Variants in SEL1L3 observed in about 807,000 individuals in gnomAD.
SEL1L3 encodes SEL1L family member 3, also known as protein sel-1 homolog 3.
A neutral mutation model predicts 142.8 loss-of-function variants in SEL1L3; 76 were observed. That is an observed-to-expected ratio of 0.53 (90% CI 0.44 to 0.64). SEL1L3 has a LOEUF of 0.64. SEL1L3 is among the 30% of genes least tolerant of loss of function. The pLI is 0.00. For missense variants in SEL1L3, 1,262 were observed against 1,381.7 expected, an observed-to-expected ratio of 0.91 and a Z score of 1.37; for synonymous variants, 504 against 519.6, an observed-to-expected ratio of 0.97 and a Z score of 0.41.
chr4:25,822,949 G>A (rs1020615333), intron 6 of SEL1L3, among the ~76,000 whole-genome samples: 7 of 152,082 alleles, frequency 4.6e-5, no homozygotes, highest in East Asian at 1.9e-4. Flanking sequence ...GAACCTGGAG[G>A]GATCTCCAAA....
Position 25,788,281 on chromosome 4 carries a change from G to A in SEL1L3, c.2160C>T (p.Gly720=), listed in dbSNP as rs61749463. 1.2e-3 allele frequency: 2,003 copies of A among 1,613,844 alleles called. 30 individuals are homozygous for A. The African/African-American group carries it at 0.022, about 18-fold the overall frequency. The change falls in exon 13 of 24, where the codon GGC becomes GGT. Residue 720 remains glycine (G), a synonymous_variant. Coordinates refer to ENST00000399878, the MANE Select transcript of SEL1L3 (RefSeq NM_015187.5). This position sits in a 1 kb window ranked among gnomAD's most constrained non-coding sequence, Gnocchi z 5.3. ...PEAAIEWYAK[G]ALETEDPALI... Reference sequence around the variant, plus strand: ...ACGCAGGATCCTCCGTCTCCAGGGCGCCCTTGGCGTACCACTCAATTGCTG... The same window carrying A: ...ACGCAGGATCCTCCGTCTCCAGGGCACCCTTGGCGTACCACTCAATTGCTG...
chr4:25,831,512 T>TAA (rs1471019751), intron 5 of SEL1L3, among the ~76,000 whole-genome samples: 7,451 of 85,576 alleles, frequency 0.087, 213 homozygotes, highest in Admixed American at 0.12. Context: ...ATAATAATAA[T>TAA]TATTATTATT....
intron 9 of SEL1L3, among the ~76,000 whole-genome samples, chr4:25,815,653 A>T (rs1379819852): frequency 6.6e-6 from 1 of 152,144 alleles, no homozygotes; most frequent in East Asian, 1.9e-4. Flanking sequence ...TAAACTGTCC[A>T]ACATGCGTCT....
chr4:25,761,068 T>C (rs1718341884), intron 20 of SEL1L3, among the ~76,000 whole-genome samples: 1 of 152,150 alleles, frequency 6.6e-6, no homozygotes, highest in Non-Finnish European at 1.5e-5. Flanking sequence ...TTAAGTATCT[T>C]TAAGATGCAC....
chr4:25,723,793 G>A, the SEL1L3 span, among the ~76,000 whole-genome samples: 3 of 152,112 alleles, frequency 2.0e-5, no homozygotes, highest in Admixed American at 6.6e-5. Context: ...CCTATTGATC[G>A]ACTCAGGCTG....
Position 25,747,577 on chromosome 4 carries a change from A to AACACACACACACACAC in SEL1L3, c.*832_*847dup. 6.9e-6 allele frequency: 1 copy of AACACACACACACACAC among 145,702 alleles called. No homozygotes were observed. The highest frequency in any genetic ancestry group is 2.5e-5 in the African/African-American group (1 of 39,738). The allele number at this position is 145,702 out of a possible 1,614,324, so 9.0% of individuals were successfully genotyped here. On this transcript the variant is annotated 3_prime_UTR_variant, in exon 24 of 24. Coordinates refer to ENST00000399878, the MANE Select transcript of SEL1L3 (RefSeq NM_015187.5). ...CATTCTGCTCTTCCTCTTCCTCTCT[A>AACACACACACACACAC]ACACACACACACACACACACACACA...
intron 13 of SEL1L3, among the ~76,000 whole-genome samples, chr4:25,787,982 G>A (rs1011157882): frequency 2.0e-5 from 3 of 152,200 alleles, no homozygotes; most frequent in Non-Finnish European, 4.4e-5. Flanking sequence ...CCAGAATGCC[G>A]TGGTTCTTGC....
chr4:25,774,494 C>G (rs906735185), intron 17 of SEL1L3, among the ~76,000 whole-genome samples: 2 of 152,142 alleles, frequency 1.3e-5, no homozygotes, highest in African/African-American at 2.4e-5. Context: ...AGAGAACAAG[C>G]CACAGAAATC....
chr4:25,844,608 C>T (rs1021455801), intron 2 of SEL1L3, among the ~76,000 whole-genome samples: 1 of 152,178 alleles, frequency 6.6e-6, no homozygotes, highest in Non-Finnish European at 1.5e-5. Context: ...TGAGCCAGTT[C>T]GTTAAATGAT....
chr4:25,804,807 G>T, intron 9 of SEL1L3, 55 bp from the exon 10 acceptor site: 1 of 1,345,790 alleles, frequency 7.4e-7, no homozygotes, highest in Non-Finnish European at 1.1e-6. Flanking sequence ...GATCGATGTG[G>T]CTTTAGAAAA....
chr4:25,858,122 T>C (rs539107460), intron 1 of SEL1L3, among the ~76,000 whole-genome samples: 2 of 152,350 alleles, frequency 1.3e-5, no homozygotes, highest in Non-Finnish European at 2.9e-5. Flanking sequence ...TACGGTCTAC[T>C]CCAGTCTATC....
chr4:25,743,018 G>T (rs1560267928), downstream of SEL1L3, among the ~76,000 whole-genome samples: 1 of 152,182 alleles, frequency 6.6e-6, no homozygotes, highest in Non-Finnish European at 1.5e-5. Flanking sequence ...CCAAATGCCT[G>T]CATAAAGGAA....
chr4:25,740,888 G>T, the SEL1L3 span, among the ~76,000 whole-genome samples: 4 of 151,890 alleles, frequency 2.6e-5, no homozygotes, highest in Non-Finnish European at 5.9e-5. Flanking sequence ...GGGTTCAAGG[G>T]ATTCTCTTGC....
chr4:25,775,216 G>T (rs953714346), intron 17 of SEL1L3, among the ~76,000 whole-genome samples: 4 of 152,172 alleles, frequency 2.6e-5, no homozygotes, highest in African/African-American at 9.7e-5. Flanking sequence ...CTTTTTGATT[G>T]TGCAAAGTGA....
At chr4:25,820,578 C>T (rs950552785) in intron 7 of SEL1L3, among the ~76,000 whole-genome samples, 3 of 152,216 alleles carry the variant, frequency 2.0e-5, no homozygotes, top group Admixed American at 6.5e-5. Context: ...TAGAGGGTCA[C>T]ACAGTTATTT....
At chr4:25,771,568 GA>G (rs34310605) in intron 17 of SEL1L3, among the ~76,000 whole-genome samples, 3 of 151,650 alleles carry the variant, frequency 2.0e-5, no homozygotes, top group South Asian at 2.1e-4. Context: ...CTATAAGGAT[GA>G]AAAAAAAATT....
chr4:25,809,617 T>C (rs1157175531), intron 9 of SEL1L3, among the ~76,000 whole-genome samples: 1 of 152,148 alleles, frequency 6.6e-6, no homozygotes, highest in Non-Finnish European at 1.5e-5. Flanking sequence ...ACGTCATTTT[T>C]CTCCCTGCCT....
At position 25,840,941 on chromosome 4, in the gene SEL1L3, A is replaced by G. The variant is rs192611187; in HGVS notation, c.734-5618T>C. Among the ~76,000 whole-genome samples the G allele has an allele frequency of 1.3e-3, 192 of 151,722 alleles. 2 individuals carry two copies. Among genetic ancestry groups the G allele is most frequent in the African/African-American group, 4.4e-3 (182 of 41,318 alleles). On this transcript the variant is annotated intron_variant, in intron 2 of 23. Transcript: ENST00000399878. ...AACAAAGGCTTATCACCATTTCCCAATCCGGAATTTTCTCCTTTGTGTGCC... is the reference window on the plus strand; with the variant it reads ...AACAAAGGCTTATCACCATTTCCCAGTCCGGAATTTTCTCCTTTGTGTGCC...
chr4:25,746,401 C>T (rs918905384), downstream of SEL1L3, among the ~76,000 whole-genome samples: 1 of 150,280 alleles, frequency 6.7e-6, no homozygotes, highest in African/African-American at 2.5e-5. Flanking sequence ...TGCTTGTAGT[C>T]CCTGCTACTC....
Sources: allele counts gnomAD v4.1 joint callset (sites outside exome capture counted in the v4.1 genomes callset), GRCh38; gene constraint gnomAD v4.1.1; non-coding constraint Gnocchi (gnomAD v3.1); transcripts MANE v1.5; gene names NCBI Gene and HGNC (gene_info 2026-07-23, HGNC 2026-07-21).